PHF14: variants seen among roughly 807,000 people sequenced by gnomAD.
The protein encoded by PHF14 is PHD finger protein 14.
PHF14 carries 55 observed loss-of-function variants against 117.9 expected under a neutral mutation model. That is an observed-to-expected ratio of 0.47 (90% CI 0.38 to 0.58). The LOEUF (loss-of-function observed/expected upper bound fraction) is 0.58. Ranked by LOEUF, PHF14 falls within the 20% of genes least tolerant of loss-of-function variation. The probability of loss-of-function intolerance (pLI) is 0.00; values close to 1 mark genes in which losing one functional copy is unlikely to be tolerated. For missense variants in PHF14, 978 were observed against 1,122.2 expected, an observed-to-expected ratio of 0.87 and a Z score of 1.84; for synonymous variants, 409 against 368.6, an observed-to-expected ratio of 1.11 and a Z score of -1.26.
In PHF14 at chr7:11,122,352, TACACACACACACAC is replaced by T. The variant is rs747467173; in HGVS notation, c.2772+10905_2772+10918del. 1.5e-4 allele frequency among the ~76,000 whole-genome samples: 10 copies of T among 65,872 alleles called. 1 individual carries two copies. The East Asian group carries it at 2.9e-3, about 19-fold the overall frequency. The allele number at this position is 65,872 out of a possible 152,430, so 43.2% of individuals were successfully genotyped here. A position where few individuals can be genotyped will look rare whatever the true frequency, so the allele number is the denominator to read the frequency against. ...CTTTTTATATATATATATATATATATACACACACACACACACACACACACACACACACATACATA... is the reference window on the plus strand; with the variant it reads ...CTTTTTATATATATATATATATATATACACACACACACACACACATACATA... On this transcript the variant is annotated intron_variant, in intron 17 of 17. Coordinates refer to ENST00000634607, the MANE Select transcript of PHF14 (RefSeq NM_001007157.2).
At chr7:11,158,370 G>T (rs1343587765) in intron 17 of PHF14, among the ~76,000 whole-genome samples, 2 of 152,040 alleles carry the variant, frequency 1.3e-5, no homozygotes, top group South Asian at 2.1e-4. Context: ...GTGCCTTAAT[G>T]GGAAGGCTAC....
chr7:11,093,454 G>A (rs1416532885), intron 16 of PHF14, among the ~76,000 whole-genome samples: 1 of 152,188 alleles, frequency 6.6e-6, no homozygotes, highest in Non-Finnish European at 1.5e-5. Context: ...TTACCTCAGT[G>A]TACCACAAGG....
intron 17 of PHF14, among the ~76,000 whole-genome samples, chr7:11,134,816 A>C (rs1422220256): frequency 1.3e-5 from 2 of 152,164 alleles, no homozygotes; most frequent in Non-Finnish European, 2.9e-5. Flanking sequence ...GCAAAAAAAC[A>C]TGAGTAAACT....
At chr7:11,138,258 G>A (rs981056470) in intron 17 of PHF14, among the ~76,000 whole-genome samples, 3 of 151,618 alleles carry the variant, frequency 2.0e-5, no homozygotes, top group African/African-American at 7.3e-5. Context: ...AGCCAGGATG[G>A]TCTCGATCTC....
chr7:11,096,973 CTTTTT>C (rs899756252), intron 16 of PHF14, among the ~76,000 whole-genome samples: 1 of 108,584 alleles, frequency 9.2e-6, no homozygotes, highest in Non-Finnish European at 1.8e-5. Context: ...TAGACTAGAA[CTTTTT>C]TTTTTTTTTT....
intron 4 of PHF14, among the ~76,000 whole-genome samples, chr7:10,996,030 C>T (rs984791319): frequency 1.5e-4 from 23 of 152,336 alleles, no homozygotes; most frequent in African/African-American, 4.6e-4. Flanking sequence ...GCGCCAAGGC[C>T]GAGGAGGTGC....
chr7:11,125,757 A>G (rs1787910960), intron 17 of PHF14, among the ~76,000 whole-genome samples: 1 of 152,032 alleles, frequency 6.6e-6, no homozygotes, highest in Non-Finnish European at 1.5e-5. Context: ...TATTCATATG[A>G]TAAATCTAAT....
At chr7:11,079,204 A>G (rs571570113) in intron 16 of PHF14, among the ~76,000 whole-genome samples, 3 of 152,304 alleles carry the variant, frequency 2.0e-5, no homozygotes, top group African/African-American at 4.8e-5. Flanking sequence ...ATTCTGCTCT[A>G]TGTCTCTAGA....
At chr7:11,090,021 T>C (rs1786584936) in intron 16 of PHF14, among the ~76,000 whole-genome samples, 1 of 152,254 alleles carries the variant, frequency 6.6e-6, no homozygotes, top group Non-Finnish European at 1.5e-5. Flanking sequence ...TTCGCCCGCC[T>C]TAGCCTCCCA....
At chr7:11,047,685 G>C (rs1784716370) in intron 13 of PHF14, among the ~76,000 whole-genome samples, 1 of 150,912 alleles carries the variant, frequency 6.6e-6, no homozygotes, top group African/African-American at 2.4e-5. Context: ...TACTCAGGAG[G>C]CTGAGGTAGA....
chr7:11,085,442 C>T (rs1047463496), intron 16 of PHF14, among the ~76,000 whole-genome samples: 3 of 152,102 alleles, frequency 2.0e-5, no homozygotes, highest in African/African-American at 7.2e-5. Context: ...TGTATTGGAT[C>T]TTAATGGTGT....
intron 16 of PHF14, among the ~76,000 whole-genome samples, chr7:11,085,362 A>G (rs951147949): frequency 6.6e-6 from 1 of 152,158 alleles, no homozygotes; most frequent in Non-Finnish European, 1.5e-5. Flanking sequence ...CTATTTTGTT[A>G]ATTTTTGAAT....
intron 4 of PHF14, among the ~76,000 whole-genome samples, chr7:11,013,503 A>G (rs1367609739): frequency 2.0e-5 from 3 of 152,024 alleles, no homozygotes; most frequent in Non-Finnish European, 4.4e-5. Flanking sequence ...TTGTTTTCCC[A>G]CCTTTAATGC....
intron 17 of PHF14, among the ~76,000 whole-genome samples, chr7:11,147,053 C>G (rs1294014010): frequency 5.3e-5 from 8 of 151,968 alleles, no homozygotes; most frequent in Non-Finnish European, 8.8e-5. Flanking sequence ...TGCAATGTTG[C>G]CCAGGCTGGT....
At chr7:11,048,576 CAAAG>C (rs1323810180) in intron 13 of PHF14, among the ~76,000 whole-genome samples, 1 of 152,016 alleles carries the variant, frequency 6.6e-6, no homozygotes, top group African/African-American at 2.4e-5. Context: ...TGTCTGAAAA[CAAAG>C]AAAAAATAAT....
At chr7:11,113,357 C>G (rs954519391) in intron 17 of PHF14, among the ~76,000 whole-genome samples, 7 of 152,054 alleles carry the variant, frequency 4.6e-5, no homozygotes, top group African/African-American at 1.7e-4. Context: ...GTTTTGTTTT[C>G]TTCTCTACCA....
chr7:11,016,206 A>G lies in PHF14; in HGVS notation c.1205+2300A>G, dbSNP rs555928626. Among the ~76,000 whole-genome samples, 145 of 152,276 alleles carry G rather than the reference A, an allele frequency of 9.5e-4. 1 individual carries two copies. The highest frequency in any genetic ancestry group is 1.1e-3 in the Non-Finnish European group (78 of 68,020). ...TTTGAACACTTGTGCTAATGTCTACACTTACCTGTAGGCTGTACTGGAAAT... is the reference window on the plus strand; with the variant it reads ...TTTGAACACTTGTGCTAATGTCTACGCTTACCTGTAGGCTGTACTGGAAAT... On this transcript the variant is annotated intron_variant, in intron 5 of 17. Transcript: ENST00000634607.
At chr7:11,112,935 T>C (rs916558694) in intron 17 of PHF14, among the ~76,000 whole-genome samples, 10 of 152,064 alleles carry the variant, frequency 6.6e-5, no homozygotes, top group African/African-American at 1.9e-4. Flanking sequence ...AGAGAACATA[T>C]TTAATTTTAA....
In PHF14 at chr7:11,130,373, C is replaced by T. The variant is rs910320871; in HGVS notation, c.2772+18906C>T. 3.3e-5 allele frequency among the ~76,000 whole-genome samples: 5 copies of T among 151,822 alleles called. No individual in the cohort carries two copies. Among genetic ancestry groups the T allele is most frequent in the East Asian group, 3.9e-4 (2 of 5,180 alleles). ...AGGAAATCCTTGGAGAGAGAGAGAA[C>T]GTATATACAATTTATATGGGGGAAA... On this transcript the variant is annotated intron_variant, in intron 17 of 17. Transcript: ENST00000634607. The surrounding 1 kb of genome is among the most constrained non-coding windows in gnomAD (Gnocchi z 4.2).
Sources: gnomAD v4.1 joint callset for allele counts (sites outside exome capture counted in the v4.1 genomes callset) on GRCh38, gnomAD v4.1.1 for gene constraint, Gnocchi (gnomAD v3.1) non-coding constraint, MANE v1.5 for transcripts, NCBI Gene and HGNC (gene_info 2026-07-23, HGNC 2026-07-21) for gene names.